Variants in CDC16 observed in about 807,000 individuals in gnomAD.
The protein encoded by CDC16 is cell division cycle 16, also known as cell division cycle protein 16 homolog.
CDC16 carries 34 observed loss-of-function variants against 87.0 expected under a neutral mutation model. The observed-to-expected ratio is 0.39, with a 90% confidence interval of 0.30 to 0.52. CDC16 has a LOEUF of 0.52. Ranked by LOEUF, CDC16 falls within the 20% of genes least tolerant of loss-of-function variation. The probability of loss-of-function intolerance (pLI) is 0.74; values close to 1 mark genes in which losing one functional copy is unlikely to be tolerated. For synonymous variants in CDC16, 263 were observed against 260.6 expected (o/e 1.01, Z -0.09); for missense variants, 653 against 751.9 (o/e 0.87, Z 1.54).
In CDC16 at chr13:114,239,202, C is replaced by T. The variant is rs17291055; in HGVS notation, c.241-148C>T. The T allele has an allele frequency of 4.7e-3, 6,520 of 1,392,700 alleles. 256 individuals carry two copies. In the African/African-American group the frequency reaches 0.085, roughly 18 times the overall value. The allele number at this position is 1,392,700 out of a possible 1,614,324, so 86.3% of individuals were successfully genotyped here. A position where few individuals can be genotyped will look rare whatever the true frequency, so the allele number is the denominator to read the frequency against. ...TATAAAATACTGATTCTTCGTTTAC[C>T]ACATGCTGACATGCATGAAGAAAAT... is the stretch of plus-strand genomic sequence containing the variant. On this transcript the variant is annotated intron_variant, in intron 4 of 17. Transcript: ENST00000356221.
In CDC16 at chr13:114,257,196, C is replaced by T. The variant is rs1192549281; in HGVS notation, c.1216C>T (p.His406Tyr). 17 of 1,612,716 alleles carry T rather than the reference C, an allele frequency of 1.1e-5. No homozygotes were observed. Among genetic ancestry groups the T allele is most frequent in the Non-Finnish European group, 8.5e-7 (1 of 1,179,100 alleles). ...TGCACCGGAAGACCCTTTTGTTATG[C>T]ATGAGGTCGGCGTGGTTGCATTTCA... Reference protein sequence around the residue: ...SIAPEDPFVMHEVGVVAFQNG... With the variant: ...SIAPEDPFVMYEVGVVAFQNG... The change falls in exon 13 of 18, where the codon CAT becomes TAT. Residue 406 changes from histidine to tyrosine, a missense_variant. By Grantham distance (83) the His-to-Tyr change is moderately conservative (BLOSUM62 2). Transcript: ENST00000356221.
intron 3 of CDC16, among the ~76,000 whole-genome samples, chr13:114,238,586 C>T (rs2081379663): frequency 6.6e-6 from 1 of 152,380 alleles, no homozygotes; most frequent in Non-Finnish European, 1.5e-5. Context: ...CTTGGACCCC[C>T]AGCAGTTATT....
intron 1 of CDC16, among the ~76,000 whole-genome samples, chr13:114,235,359 G>A (rs1271745027): frequency 2.0e-5 from 3 of 152,224 alleles, no homozygotes; most frequent in Admixed American, 6.5e-5. Context: ...AGCGCACGGG[G>A]CGCCTCAGTC....
chr13:114,260,830 A>G (rs17291452), intron 14 of CDC16, among the ~76,000 whole-genome samples: 9,410 of 152,226 alleles, frequency 0.062, 359 homozygotes, highest in Middle Eastern at 0.15. Flanking sequence ...ACTGGTCTCA[A>G]TAGAGTTAGA....
intron 8 of CDC16, among the ~76,000 whole-genome samples, chr13:114,244,329 T>C (rs1390388527): frequency 1.3e-5 from 2 of 152,262 alleles, no homozygotes; most frequent in Admixed American, 6.5e-5. Context: ...GTGTTTAATA[T>C]GCTGCACGCA....
chr13:114,255,380 G>A (rs555108927), intron 12 of CDC16, among the ~76,000 whole-genome samples: 16 of 152,092 alleles, frequency 1.1e-4, no homozygotes, highest in African/African-American at 3.1e-4. Flanking sequence ...GCTGTCACCC[G>A]CTTCCTATTA....
chr13:114,235,341 G>A (rs1372671320), intron 1 of CDC16, among the ~76,000 whole-genome samples: 1 of 152,070 alleles, frequency 6.6e-6, no homozygotes, highest in African/African-American at 2.4e-5. Context: ...GGGGAGTGGA[G>A]GCCCCCGAGC....
rs17337772 is a variant in CDC16 at position 114,236,943 on chromosome 13, A to T, written c.201+47A>T. On this transcript the variant is annotated intron_variant, in intron 3 of 17. Transcript: ENST00000356221. ...AAAGCTCTTCAGAGCTTTAAAAAAA[A>T]TGTCATTAGTGGCCGGGCGCGGTGG... The T allele has an allele frequency of 3.8e-6, 5 of 1,302,266 alleles. No individual in the cohort carries two copies. In the East Asian group the frequency reaches 9.6e-5, roughly 25 times the overall value. The allele number at this position is 1,302,266 out of a possible 1,614,324, so 80.7% of individuals were successfully genotyped here. A position where few individuals can be genotyped will look rare whatever the true frequency, so the allele number is the denominator to read the frequency against.
intron 16 of CDC16, chr13:114,264,206 G>A (rs181200089): frequency 1.3e-5 from 2 of 152,298 alleles, no homozygotes; most frequent in African/African-American, 4.8e-5. Flanking sequence ...TTTTAAATAT[G>A]TATATTTGAG....
At chr13:114,265,609 A>G (rs762080702) in intron 17 of CDC16, among the ~76,000 whole-genome samples, 1 of 152,248 alleles carries the variant, frequency 6.6e-6, no homozygotes, top group Non-Finnish European at 1.5e-5. Context: ...GCAGGGTATA[A>G]CAATATAAAT....
intron 5 of CDC16, among the ~76,000 whole-genome samples, chr13:114,240,505 G>T (rs1031255616): frequency 4.3e-4 from 66 of 152,144 alleles, no homozygotes; most frequent in Middle Eastern, 6.8e-3. Context: ...CACTGTGCCC[G>T]GCACAGTTGG....
chr13:114,271,566 C>T (rs1196116914), intron 17 of CDC16, among the ~76,000 whole-genome samples: 1 of 152,068 alleles, frequency 6.6e-6, no homozygotes, highest in Non-Finnish European at 1.5e-5. Flanking sequence ...GCTCCATCTC[C>T]TGGGTTCATG....
In CDC16 at chr13:114,239,456, ATCCT is replaced by A; in HGVS notation, c.351_354del (p.Ser118AlafsTer10). 6.2e-7 allele frequency: 1 copy of A among 1,613,036 alleles called. No homozygotes were observed. Among genetic ancestry groups the A allele is most frequent in the South Asian group, 1.1e-5 (1 of 91,012 alleles). ...TTGAAGGACGAAAGTGGCTTCAAAGATCCTTCCAGCGACTGGGAAATGTCACAGT... is the reference window on the plus strand; with the variant it reads ...TTGAAGGACGAAAGTGGCTTCAAAGATCCAGCGACTGGGAAATGTCACAGT... On this transcript the variant is annotated frameshift_variant, in exon 5 of 18. Coordinates refer to ENST00000356221, the MANE Select transcript of CDC16 (RefSeq NM_001078645.3). LOFTEE classifies it high-confidence loss of function.
intron 11 of CDC16, among the ~76,000 whole-genome samples, chr13:114,248,479 G>A (rs566847875): frequency 2.9e-4 from 44 of 152,206 alleles, no homozygotes; most frequent in Admixed American, 1.1e-3. Flanking sequence ...TCAGGAGTTC[G>A]AGACCAGCCT....
intron 15 of CDC16, 54 bp downstream of exon 15, chr13:114,262,002 A>C: frequency 9.3e-7 from 1 of 1,070,522 alleles, no homozygotes; most frequent in Admixed American, 2.1e-5. Flanking sequence ...AAGTTTACTT[A>C]ATTTTGAATA....
chr13:114,246,791 G>C, intron 10 of CDC16, 140 bp from the exon 11 acceptor site: 1 of 651,780 alleles, frequency 1.5e-6, no homozygotes, highest in Non-Finnish European at 2.8e-6. Flanking sequence ...TTAGTAGACT[G>C]TATTAGAGAA....
rs149182518 is a variant in CDC16 at position 114,253,436 on chromosome 13, C to T, written c.1097+2762C>T. On this transcript the variant is annotated intron_variant, in intron 12 of 17. Coordinates refer to ENST00000356221, the MANE Select transcript of CDC16 (RefSeq NM_001078645.3). ...GGGCGCAGTGGCTCACACCTGTAAT[C>T]CCAGCACTTTGGGAGGCCAGAGGGG... Among the ~76,000 whole-genome samples the T allele has an allele frequency of 9.7e-3, 1,481 of 152,170 alleles. 22 individuals carry two copies. The highest frequency in any genetic ancestry group is 0.034 in the African/African-American group (1,407 of 41,498).
At chr13:114,251,502 TTATC>T (rs1176508264) in intron 12 of CDC16, among the ~76,000 whole-genome samples, 2 of 152,184 alleles carry the variant, frequency 1.3e-5, no homozygotes, top group Non-Finnish European at 2.9e-5. Flanking sequence ...AATCATATAT[TTATC>T]TGTATTGAAT....
At chr13:114,248,651 A>G (rs1428323490) in intron 11 of CDC16, among the ~76,000 whole-genome samples, 1 of 152,020 alleles carries the variant, frequency 6.6e-6, no homozygotes, top group Non-Finnish European at 1.5e-5. Context: ...ACTGCACTCC[A>G]GCCTCGCCGA....
Sources: allele counts gnomAD v4.1 joint callset (sites outside exome capture counted in the v4.1 genomes callset), GRCh38; gene constraint gnomAD v4.1.1; transcripts MANE v1.5; gene names NCBI Gene and HGNC (gene_info 2026-07-23, HGNC 2026-07-21).